Variants in NALF1 observed in about 807,000 individuals in gnomAD.
NALF1 encodes NALCN channel auxiliary factor 1.
NALF1 carries 3 observed loss-of-function variants against 48.4 expected under a neutral mutation model. That is an observed-to-expected ratio of 0.06 (90% confidence interval 0.03 to 0.16). NALF1 has a LOEUF of 0.16. Among genes scored for constraint, NALF1 ranks in the 10% least tolerant of loss-of-function variants. NALF1 has a pLI of 1.00. For synonymous variants in NALF1, 262 were observed against 245.7 expected (o/e 1.07, Z -0.62); for missense variants, 526 against 571.5 (o/e 0.92, Z 0.81).
chr13:107,613,568 T>C lies in NALF1; in HGVS notation c.915+252114A>G, dbSNP rs573375450. ...CTCTGTACTTCTAGATTTCAGTCCA[T>C]GTTTTATTTGAACTACCTTGGTTTT... is the stretch of plus-strand genomic sequence containing the variant. On this transcript the variant is annotated intron_variant, in intron 1 of 2. Coordinates refer to ENST00000375915, the MANE Select transcript of NALF1 (RefSeq NM_001080396.3). Among the ~76,000 whole-genome samples, 76 of 152,350 alleles carry C rather than the reference T, an allele frequency of 5.0e-4. 2 individuals carry two copies. Among genetic ancestry groups the C allele is most frequent in the Middle Eastern group, 3.4e-3 (1 of 294 alleles).
At chr13:107,642,317 A>G (rs1880181980) in intron 1 of NALF1, among the ~76,000 whole-genome samples, 1 of 152,202 alleles carries the variant, frequency 6.6e-6, no homozygotes, top group African/African-American at 2.4e-5. Context: ...ATGCCCACAC[A>G]ATAAGAATAT....
chr13:107,285,674 A>G (rs1881478916), intron 1 of NALF1, among the ~76,000 whole-genome samples: 1 of 152,060 alleles, frequency 6.6e-6, no homozygotes, highest in African/African-American at 2.4e-5. Flanking sequence ...TATATAGTAT[A>G]CAGAGGATGC....
chr13:107,718,490 A>T (rs1186059425), intron 1 of NALF1, among the ~76,000 whole-genome samples: 1 of 152,164 alleles, frequency 6.6e-6, no homozygotes, highest in Non-Finnish European at 1.5e-5. Flanking sequence ...CTGGGGAGAA[A>T]ATCATCTCAG....
At chr13:107,662,260 C>T (rs1294681088) in intron 1 of NALF1, among the ~76,000 whole-genome samples, 1 of 152,192 alleles carries the variant, frequency 6.6e-6, no homozygotes, top group Admixed American at 6.5e-5. Context: ...CCCGGGGTCA[C>T]AGGGTGCTCC....
At chr13:107,329,996 C>G (rs1056387622) in intron 1 of NALF1, among the ~76,000 whole-genome samples, 1 of 152,136 alleles carries the variant, frequency 6.6e-6, no homozygotes, top group Non-Finnish European at 1.5e-5. Flanking sequence ...GAATGAAACA[C>G]TCGATTTTTG....
intron 1 of NALF1, among the ~76,000 whole-genome samples, chr13:107,524,725 A>G (rs1343388786): frequency 6.6e-6 from 1 of 152,128 alleles, no homozygotes; most frequent in Admixed American, 6.6e-5. Flanking sequence ...GGGAAAACGA[A>G]TAAGATGGAT....
At chr13:107,782,826 C>T (rs1192383680) in intron 1 of NALF1, among the ~76,000 whole-genome samples, 1 of 151,782 alleles carries the variant, frequency 6.6e-6, no homozygotes, top group Non-Finnish European at 1.5e-5. Flanking sequence ...GCAACCGCCC[C>T]GTCTGAGAAG....
chr13:107,733,106 A>G (rs749864624), intron 1 of NALF1, among the ~76,000 whole-genome samples: 3 of 151,788 alleles, frequency 2.0e-5, no homozygotes, highest in South Asian at 2.1e-4. Context: ...TCCTGTAAAT[A>G]TATCGGACAT....
intron 1 of NALF1, among the ~76,000 whole-genome samples, chr13:107,862,655 C>T (rs992563388): frequency 5.3e-5 from 8 of 151,800 alleles, no homozygotes; most frequent in Non-Finnish European, 1.2e-4. Flanking sequence ...TGATACATTG[C>T]AATACAGAAG....
intron 1 of NALF1, among the ~76,000 whole-genome samples, chr13:107,393,307 G>C (rs1373567570): frequency 6.6e-6 from 1 of 151,956 alleles, no homozygotes; most frequent in Non-Finnish European, 1.5e-5. Flanking sequence ...GAGTATTTTT[G>C]TCAAGAAGAA....
rs571667537 is a variant in NALF1 at position 107,767,742 on chromosome 13, T to C, written c.915+97940A>G. The stretch of plus-strand genomic sequence containing the variant: ...ATCATGACACTCTGGTTTGACTTTA[T>C]GGTCCATTATTTTTTAATCTTGCCC... On this transcript the variant is annotated intron_variant, in intron 1 of 2. Coordinates refer to ENST00000375915, the MANE Select transcript of NALF1 (RefSeq NM_001080396.3). Among the ~76,000 whole-genome samples the C allele has an allele frequency of 1.4e-3, 220 of 152,356 alleles. 1 individual carries two copies. Among genetic ancestry groups the C allele is most frequent in the Middle Eastern group, 0.01 (3 of 294 alleles).
intron 1 of NALF1, among the ~76,000 whole-genome samples, chr13:107,480,578 T>C (rs751014064): frequency 2.5e-4 from 38 of 152,128 alleles, no homozygotes; most frequent in Non-Finnish European, 4.1e-4. Context: ...TGACAGCTGA[T>C]GAGTTAAAAA....
At chr13:107,737,077 GTTC>G (rs2138540854) in intron 1 of NALF1, among the ~76,000 whole-genome samples, 1 of 152,244 alleles carries the variant, frequency 6.6e-6, no homozygotes, top group East Asian at 1.9e-4. Context: ...ACTTTTCCAT[GTTC>G]TTCTTTGATT....
At chr13:107,328,071 C>A (rs544249061) in intron 1 of NALF1, among the ~76,000 whole-genome samples, 2 of 152,164 alleles carry the variant, frequency 1.3e-5, no homozygotes, top group East Asian at 1.9e-4. Flanking sequence ...CAGGCATGTG[C>A]CACCATGCTA....
chr13:107,387,486 C>A (rs1390487644), intron 1 of NALF1, among the ~76,000 whole-genome samples: 1 of 152,128 alleles, frequency 6.6e-6, no homozygotes, highest in Non-Finnish European at 1.5e-5. Flanking sequence ...CGGTCTACTG[C>A]TGTCTTGTTC....
At chr13:107,437,854 C>T (rs117689515) in intron 1 of NALF1, among the ~76,000 whole-genome samples, 1,670 of 152,014 alleles carry the variant, frequency 0.011, 11 homozygotes, top group South Asian at 0.028. Flanking sequence ...CATTTTACCT[C>T]GAAAACAGAA....
At chr13:107,248,421 AAAC>A (rs958530993) in intron 1 of NALF1, among the ~76,000 whole-genome samples, 1 of 151,952 alleles carries the variant, frequency 6.6e-6, no homozygotes, top group African/African-American at 2.4e-5. Context: ...TTGGTATTGT[AAAC>A]AACACCTGAA....
chr13:107,578,027 C>T (rs533554737), intron 1 of NALF1, among the ~76,000 whole-genome samples: 9 of 152,218 alleles, frequency 5.9e-5, no homozygotes, highest in African/African-American at 2.2e-4. Flanking sequence ...GGGGTTTCAC[C>T]AAGACCTGAA....
At chr13:107,460,530 A>G (rs1419513437) in intron 1 of NALF1, among the ~76,000 whole-genome samples, 2 of 152,182 alleles carry the variant, frequency 1.3e-5, no homozygotes, top group African/African-American at 4.8e-5. Flanking sequence ...CATCAAATTC[A>G]ATTTTTGTAG....
Sources: allele counts gnomAD v4.1 joint callset (sites outside exome capture counted in the v4.1 genomes callset), GRCh38; gene constraint gnomAD v4.1.1; transcripts MANE v1.5; gene names NCBI Gene and HGNC (gene_info 2026-07-23, HGNC 2026-07-21).